The following ELSPBP1 variants were observed in gnomAD, a reference collection of about 807,000 sequenced individuals.
ELSPBP1 encodes the protein epididymal sperm binding protein 1, also known as epididymal sperm-binding protein 1.
A neutral mutation model predicts 33.3 loss-of-function variants in ELSPBP1; 38 were observed. That is an observed-to-expected ratio of 1.14 (90% CI 0.88 to 1.50). ELSPBP1 has a LOEUF of 1.50. Ranked by LOEUF, ELSPBP1 falls within the 40% of genes most tolerant of loss-of-function variation. ELSPBP1 has a pLI of 0.00. For missense variants in ELSPBP1, 267 were observed against 263.5 expected (o/e 1.01, Z -0.09); for synonymous variants, 85 against 94.1 (o/e 0.90, Z 0.56).
intron 6 of ELSPBP1, among the ~76,000 whole-genome samples, chr19:48,023,145 AGGAG>A (rs1259299036): frequency 2.1e-4 from 29 of 138,432 alleles, no homozygotes; most frequent in Admixed American, 7.2e-5. Context: ...AAGGGAAGAA[AGGAG>A]GGAGGGAGGG....
intron 1 of ELSPBP1, among the ~76,000 whole-genome samples, chr19:47,995,922 G>A (rs894029246): frequency 2.6e-5 from 4 of 152,190 alleles, no homozygotes; most frequent in African/African-American, 9.7e-5. Flanking sequence ...TTTGGCTTAA[G>A]AGAACGAGAG....
At chr19:48,022,948 G>A (rs916465615) in intron 6 of ELSPBP1, among the ~76,000 whole-genome samples, 20 of 151,986 alleles carry the variant, frequency 1.3e-4, no homozygotes, top group African/African-American at 4.6e-4. Context: ...CTACTCAGGA[G>A]GCTGAGGTCA....
In ELSPBP1 at chr19:48,016,058, G is replaced by T. The variant is rs763373458; in HGVS notation, c.355+19G>T. On this transcript the variant is annotated intron_variant, in intron 4 of 6. Coordinates refer to ENST00000339841, the MANE Select transcript of ELSPBP1 (RefSeq NM_022142.5). ...ACGAATGGTGAGCCCCTGTAGCAGG[G>T]ATGGGATGTGTGGTGGGAGGGAGAG... is the stretch of plus-strand genomic sequence containing the variant. 4.7e-5 allele frequency: 76 copies of T among 1,611,190 alleles called. 1 individual carries two copies. The South Asian group carries it at 8.1e-4, about 17-fold the overall frequency.
chr19:48,008,747 C>G lies in ELSPBP1; in HGVS notation c.70+10C>G. On this transcript the variant is annotated intron_variant, in intron 2 of 6. Coordinates refer to ENST00000339841, the MANE Select transcript of ELSPBP1 (RefSeq NM_022142.5). The stretch of plus-strand genomic sequence containing the variant: ...TATGAGTCAAGTGGAGGTAAGGACA[C>G]TCAAAGCAACAGGGAGGATTTAGAA... 1 of 1,610,340 alleles carries G rather than the reference C, an allele frequency of 6.2e-7. No homozygotes were observed. Among genetic ancestry groups the G allele is most frequent in the Non-Finnish European group, 8.5e-7 (1 of 1,177,148 alleles).
chr19:48,017,096 A>G (rs10414371), intron 4 of ELSPBP1, among the ~76,000 whole-genome samples: 25,207 of 152,168 alleles, frequency 0.17, 2,141 homozygotes, highest in South Asian at 0.23. Flanking sequence ...TGGTCCCAGT[A>G]TAACTGAGCC....
chr19:47,998,373 T>A lies in ELSPBP1; in HGVS notation c.-18+3562T>A, dbSNP rs184483871. 4.0e-5 allele frequency among the ~76,000 whole-genome samples: 6 copies of A among 151,546 alleles called. No individual in the cohort carries two copies. In the East Asian group the frequency reaches 1.2e-3, roughly 30 times the overall value. On this transcript the variant is annotated intron_variant, in intron 1 of 6. Transcript: ENST00000339841. ...TTGCAGTGAGCTTAGATCGTGCCACTACACTCTAGCCTGAGTGACAGAGTG... is the reference window on the plus strand; with the variant it reads ...TTGCAGTGAGCTTAGATCGTGCCACAACACTCTAGCCTGAGTGACAGAGTG...
rs2122323871 is a variant in ELSPBP1 at position 48,016,136 on chromosome 19, A to C, written c.355+97A>C. 1.2e-5 allele frequency: 17 copies of C among 1,426,738 alleles called. No individual in the cohort carries two copies. The South Asian group carries it at 2.2e-4, about 19-fold the overall frequency. 88.4% of individuals were successfully genotyped at this position (1,426,738 alleles called of 1,614,324 possible). A position where few individuals can be genotyped will look rare whatever the true frequency, so the allele number is the denominator to read the frequency against. ...GGCTGGGCAAGGTAGAGACCAGAGC[A>C]CCCAGGGGGAAGTACTTACAGGAGC... On this transcript the variant is annotated intron_variant, in intron 4 of 6. Coordinates refer to ENST00000339841, the MANE Select transcript of ELSPBP1 (RefSeq NM_022142.5).
At position 48,011,778 on chromosome 19, in the gene ELSPBP1, A is replaced by AATG. The variant is rs1324744134; in HGVS notation, c.71-2379_71-2377dup. 6.6e-6 allele frequency among the ~76,000 whole-genome samples: 1 copy of AATG among 151,978 alleles called. No homozygotes were observed. Among genetic ancestry groups the AATG allele is most frequent in the Admixed American group, 6.6e-5 (1 of 15,262 alleles). ...GAATGATGATGATGACAGTGATGGT[A>AATG]ATGATGATGATGATGACAATGATAA... is the stretch of plus-strand genomic sequence containing the variant. On this transcript the variant is annotated intron_variant, in intron 2 of 6. Transcript: ENST00000339841. The surrounding 1 kb of genome is among the most constrained non-coding windows in gnomAD (Gnocchi z 4.5).
chr19:48,024,617 G>A (rs890139341), intron 6 of ELSPBP1, among the ~76,000 whole-genome samples: 1 of 152,134 alleles, frequency 6.6e-6, no homozygotes, highest in African/African-American at 2.4e-5. Context: ...TCTTAACAGG[G>A]TAGATATTAA....
At chr19:48,001,543 A>C (rs1490939038) in intron 1 of ELSPBP1, among the ~76,000 whole-genome samples, 2 of 151,756 alleles carry the variant, frequency 1.3e-5, no homozygotes, top group East Asian at 3.9e-4. Context: ...TAGCTTTATG[A>C]CATCTGCAAA....
At chr19:48,016,542 TCCTTCCTTCCTTCCTTCCTTCCTTCCTC>T (rs1183654424) in intron 4 of ELSPBP1, among the ~76,000 whole-genome samples, 15 of 138,984 alleles carry the variant, frequency 1.1e-4, no homozygotes, top group African/African-American at 2.5e-4. Flanking sequence ...CTTCCTTCCT[TCCTTCCTTCCTTCCTTCCTTCCTTCCTC>T]CCTTCATCTC....
chr19:48,018,086 G>C (rs891615370), intron 4 of ELSPBP1, among the ~76,000 whole-genome samples: 1 of 151,876 alleles, frequency 6.6e-6, no homozygotes, highest in Non-Finnish European at 1.5e-5. Flanking sequence ...TTTTAGCTTT[G>C]GCTTCCCCAT....
At chr19:48,003,214 T>C (rs1342117703) in intron 1 of ELSPBP1, among the ~76,000 whole-genome samples, 2 of 152,188 alleles carry the variant, frequency 1.3e-5, no homozygotes, top group African/African-American at 4.8e-5. Context: ...CCCTAAAATA[T>C]TTTCTATGAA....
At chr19:48,020,271 C>G (rs1171815590) in intron 5 of ELSPBP1, among the ~76,000 whole-genome samples, 1 of 152,162 alleles carries the variant, frequency 6.6e-6, no homozygotes, top group Non-Finnish European at 1.5e-5. Context: ...GAGCTGTGAT[C>G]ACACCTCTGT....
chr19:48,009,008 C>T (rs1001368043), intron 2 of ELSPBP1, among the ~76,000 whole-genome samples: 4 of 151,738 alleles, frequency 2.6e-5, no homozygotes, highest in Non-Finnish European at 4.4e-5. Flanking sequence ...TGGTGGTGAG[C>T]GCCTGTAATC....
chr19:48,015,550 C>T (rs10426717), intron 3 of ELSPBP1, among the ~76,000 whole-genome samples: 25,225 of 151,862 alleles, frequency 0.17, 2,153 homozygotes, highest in South Asian at 0.23. Context: ...CCCAGCTACT[C>T]GGGAGGCTGA....
At chr19:48,015,794 T>C (rs1967125019) in intron 3 of ELSPBP1, 99 bp from the exon 4 acceptor site, 4 of 1,155,166 alleles carry the variant, frequency 3.5e-6, no homozygotes, top group Admixed American at 2.1e-5. Context: ...CTGAACCTTA[T>C]GTCTGTCCTG....
chr19:48,018,055 G>A (rs553058601), intron 4 of ELSPBP1, among the ~76,000 whole-genome samples: 19 of 152,118 alleles, frequency 1.2e-4, no homozygotes, highest in African/African-American at 4.1e-4. Flanking sequence ...ATCACCAAAC[G>A]GATGTCCAAG....
At position 48,012,813 on chromosome 19, in the gene ELSPBP1, C is replaced by A. The variant is rs367660487; in HGVS notation, c.71-1358C>A. ...TTACTTTTCTTCACTTTAAAAAATTCATTTTGGGAGATTGGTTAACATCAG... is the reference window on the plus strand; with the variant it reads ...TTACTTTTCTTCACTTTAAAAAATTAATTTTGGGAGATTGGTTAACATCAG... On this transcript the variant is annotated intron_variant, in intron 2 of 6. Transcript: ENST00000339841. 7.1e-4 allele frequency among the ~76,000 whole-genome samples: 108 copies of A among 152,216 alleles called. 3 individuals carry two copies. The South Asian group carries it at 0.02, about 28-fold the overall frequency.
Sources: gnomAD v4.1 joint callset for allele counts (sites outside exome capture counted in the v4.1 genomes callset) on GRCh38, gnomAD v4.1.1 for gene constraint, Gnocchi (gnomAD v3.1) non-coding constraint, MANE v1.5 for transcripts, NCBI Gene and HGNC (gene_info 2026-07-23, HGNC 2026-07-21) for gene names.